The following RNF103 variants were observed in gnomAD, a reference collection of about 807,000 sequenced individuals.
The protein encoded by RNF103 is E3 ubiquitin-protein ligase RNF103.
Under a neutral mutation model 66.2 loss-of-function variants are expected in RNF103, and 23 were observed. The ratio of observed to expected loss-of-function variants is 0.35; its 90% CI spans 0.25 to 0.49. RNF103 has a LOEUF of 0.49. Among genes scored for constraint, RNF103 ranks in the 20% least tolerant of loss-of-function variants. The pLI, the probability that RNF103 is intolerant of heterozygous loss-of-function variation, is 0.98. For synonymous variants in RNF103, 297 were observed against 289.9 expected, an observed-to-expected ratio of 1.02 and a Z score of -0.25; for missense variants, 730 against 814.7, an observed-to-expected ratio of 0.90 and a Z score of 1.27.
At chr2:86,618,989 G>A (rs778958199) in intron 2 of RNF103, among the ~76,000 whole-genome samples, 5 of 152,056 alleles carry the variant, frequency 3.3e-5, no homozygotes, top group South Asian at 4.1e-4. Flanking sequence ...TAGATTATCC[G>A]GAAGGTAAAA....
At chr2:86,616,438 T>C (rs562960949) in intron 2 of RNF103, 1 of 901,946 alleles carries the variant, frequency 1.1e-6, no homozygotes, top group South Asian at 5.1e-5. Context: ...CAGTGGTCTT[T>C]TAATTTTTTT....
At position 86,623,143 on chromosome 2, in the gene RNF103, G is replaced by A. The variant is rs1679299928; in HGVS notation, c.-257C>T. ...CCAGTCAAGAGCCGACAAAAATAAA[G>A]GGGAAAAACTCAAAACCCCCATCCA... is the stretch of plus-strand genomic sequence containing the variant. On this transcript the variant is annotated 5_prime_UTR_variant, in exon 1 of 4. Transcript: ENST00000237455. 1 of 1,166,600 alleles carries A rather than the reference G, an allele frequency of 8.6e-7. No homozygotes were observed. The highest frequency in any genetic ancestry group is 1.1e-6 in the Non-Finnish European group (1 of 948,150). 72.3% of individuals were successfully genotyped at this position (1,166,600 alleles called of 1,614,324 possible).
intron 1 of RNF103, 77 bp downstream of exon 1, chr2:86,622,584 G>T: frequency 6.9e-7 from 1 of 1,439,904 alleles, no homozygotes; most frequent in Admixed American, 1.7e-5. Flanking sequence ...CACTCTGGGG[G>T]AACAGCCAGG....
intron 3 of RNF103, among the ~76,000 whole-genome samples, chr2:86,606,759 TA>T (rs1431798651): frequency 1.1e-4 from 17 of 152,170 alleles, no homozygotes; most frequent in Admixed American, 1.0e-3. Flanking sequence ...CTTTTGTTTT[TA>T]TTTTTTAATT....
At position 86,623,428 on chromosome 2, in the gene RNF103, A is replaced by G. The variant is rs1679316078; in HGVS notation, c.-542T>C. 1.0e-6 allele frequency: 1 copy of G among 980,498 alleles called. No individual in the cohort carries two copies. The highest frequency in any genetic ancestry group is 1.2e-6 in the Non-Finnish European group (1 of 827,880). The allele number at this position is 980,498 out of a possible 1,614,324, so 60.7% of individuals were successfully genotyped here. On this transcript the variant is annotated 5_prime_UTR_variant, in exon 1 of 4. Coordinates refer to ENST00000237455, the MANE Select transcript of RNF103 (RefSeq NM_005667.4). ...GGAGGGCGCGGCGCTCGGCCGGGCC[A>G]GGCCCGGGGCCCAGCGTGTTCTGCG...
At chr2:86,618,629 A>C (rs919451530) in intron 2 of RNF103, 5 of 152,122 alleles carry the variant, frequency 3.3e-5, no homozygotes, top group Admixed American at 2.0e-4. Flanking sequence ...AGCCCTTCCA[A>C]GTTTCAAAGG....
Position 86,623,210 on chromosome 2 carries a change from G to T in RNF103, c.-324C>A, listed in dbSNP as rs1001515892. On this transcript the variant is annotated 5_prime_UTR_variant, in exon 1 of 4. Coordinates refer to ENST00000237455, the MANE Select transcript of RNF103 (RefSeq NM_005667.4). ...GAGGGGCGCGGGGAGAGCTCGCGGGGAAGAACAAAACGAGGGACGCTTCCC... is the reference window on the plus strand; with the variant it reads ...GAGGGGCGCGGGGAGAGCTCGCGGGTAAGAACAAAACGAGGGACGCTTCCC... 3 of 1,026,612 alleles carry T rather than the reference G, an allele frequency of 2.9e-6. No individual in the cohort carries two copies. The highest frequency in any genetic ancestry group is 3.5e-6 in the Non-Finnish European group (3 of 858,820). 63.6% of individuals were successfully genotyped at this position (1,026,612 alleles called of 1,614,324 possible). A position where few individuals can be genotyped will look rare whatever the true frequency, so the allele number is the denominator to read the frequency against.
At chr2:86,617,867 C>T in intron 2 of RNF103, 1 of 1,095,966 alleles carries the variant, frequency 9.1e-7, no homozygotes, top group Non-Finnish European at 1.2e-6. Context: ...GTTCACAGTG[C>T]CAAGGACAGG....
intron 1 of RNF103, among the ~76,000 whole-genome samples, chr2:86,621,751 C>A (rs1189076314): frequency 6.6e-6 from 1 of 152,188 alleles, no homozygotes; most frequent in African/African-American, 2.4e-5. Context: ...AGATAACCAT[C>A]AGTTTCAGCT....
intron 3 of RNF103, among the ~76,000 whole-genome samples, chr2:86,610,320 G>C (rs1678744600): frequency 6.6e-6 from 1 of 152,214 alleles, no homozygotes; most frequent in South Asian, 2.1e-4. Context: ...TCTGGAGCTA[G>C]CTTGTATGTA....
intron 1 of RNF103, among the ~76,000 whole-genome samples, chr2:86,622,340 G>A (rs1437216866): frequency 6.6e-6 from 1 of 152,214 alleles, no homozygotes; most frequent in Non-Finnish European, 1.5e-5. Flanking sequence ...GACAAATAAT[G>A]CTTTCCAGTT....
intron 2 of RNF103, 178 bp from the exon 3 acceptor site, chr2:86,612,452 A>G (rs1678836772): frequency 3.8e-6 from 2 of 523,532 alleles, no homozygotes; most frequent in South Asian, 5.1e-5. Context: ...TCCAATAGGA[A>G]AAAGACTTGA....
Position 86,622,782 on chromosome 2 carries a change from G to A in RNF103, c.105C>T (p.Thr35=). The A allele has an allele frequency of 3.1e-6, 5 of 1,614,204 alleles. No individual in the cohort carries two copies. Among genetic ancestry groups the A allele is most frequent in the Non-Finnish European group, 4.2e-6 (5 of 1,180,016 alleles). Residue 35 remains threonine (T), a synonymous_variant, in exon 1 of 4, where the codon ACC becomes ACT. Transcript: ENST00000237455. ...IVWYETGIFA[T]QLVDPVALSF... is the part of the protein sequence containing the mutation. ...TCAGCGCCACCGGATCCACCAGCTG[G>A]GTGGCAAAGATGCCAGTTTCATACC...
chr2:86,614,650 A>C (rs1158655491), intron 2 of RNF103: 1 of 596,532 alleles, frequency 1.7e-6, no homozygotes, highest in Non-Finnish European at 2.1e-6. Flanking sequence ...TAGGAAGATC[A>C]AGCAAAGCAG....
Position 86,615,520 on chromosome 2 carries a change from T to TTATATATATATATA in RNF103, c.367-3260_367-3247dup, listed in dbSNP as rs4019180. Among the ~76,000 whole-genome samples the TTATATATATATATA allele has an allele frequency of 1.6e-3, 227 of 142,292 alleles. 1 individual carries two copies. Among genetic ancestry groups the TTATATATATATATA allele is most frequent in the African/African-American group, 4.7e-3 (186 of 39,256 alleles). 93.3% of individuals were successfully genotyped at this position (142,292 alleles called of 152,430 possible). A position where few individuals can be genotyped will look rare whatever the true frequency, so the allele number is the denominator to read the frequency against. On this transcript the variant is annotated intron_variant, in intron 2 of 3. Transcript: ENST00000237455. ...CCTAATATATATATATACATATGCC[T>TTATATATATATATA]TATATATATATATATATAATATATA...
intron 2 of RNF103, chr2:86,616,562 A>G: frequency 1.0e-6 from 1 of 985,436 alleles, no homozygotes; most frequent in Non-Finnish European, 1.2e-6. Context: ...GTAATTTAGA[A>G]TCTCCTCGAA....
chr2:86,610,014 T>C (rs144758201), intron 3 of RNF103, among the ~76,000 whole-genome samples: 19 of 152,304 alleles, frequency 1.2e-4, no homozygotes, highest in Admixed American at 2.6e-4. Context: ...TATATCTCCA[T>C]AGTCATCAAA....
chr2:86,613,636 T>G (rs1475906557), intron 2 of RNF103: 1 of 152,154 alleles, frequency 6.6e-6, no homozygotes, highest in Admixed American at 6.5e-5. Context: ...CAGGTGGGTG[T>G]GTAAAATGAG....
chr2:86,623,201 G>T lies in RNF103; in HGVS notation c.-315C>A. The T allele has an allele frequency of 3.9e-6, 4 of 1,031,066 alleles. No homozygotes were observed. Among genetic ancestry groups the T allele is most frequent in the Non-Finnish European group, 4.6e-6 (4 of 861,544 alleles). The allele number at this position is 1,031,066 out of a possible 1,614,324, so 63.9% of individuals were successfully genotyped here. Reference sequence around the variant, plus strand: ...CAGAAAGGAGAGGGGCGCGGGGAGAGCTCGCGGGGAAGAACAAAACGAGGG... The same window carrying T: ...CAGAAAGGAGAGGGGCGCGGGGAGATCTCGCGGGGAAGAACAAAACGAGGG... On this transcript the variant is annotated 5_prime_UTR_variant, in exon 1 of 4. Transcript: ENST00000237455.
Sources: allele counts gnomAD v4.1 joint callset (sites outside exome capture counted in the v4.1 genomes callset), GRCh38; gene constraint gnomAD v4.1.1; transcripts MANE v1.5; gene names NCBI Gene and HGNC (gene_info 2026-07-23, HGNC 2026-07-21).